NCOR2: variants seen among roughly 807,000 people sequenced by gnomAD.
The protein encoded by NCOR2 is nuclear receptor corepressor 2.
Under a neutral mutation model 262.9 loss-of-function variants are expected in NCOR2, and 81 were observed. The observed-to-expected ratio is 0.31, with a 90% CI of 0.26 to 0.37. The LOEUF is 0.37. Ranked by LOEUF, NCOR2 falls within the 10% of genes least tolerant of loss-of-function variation. The pLI is 1.00. For missense variants in NCOR2, 3,385 were observed against 3,621.4 expected (o/e 0.93, Z 1.68); for synonymous variants, 1,659 against 1,559.3 (o/e 1.06, Z -1.51).
At chr12:124,412,517 G>C (rs535262590) in intron 13 of NCOR2, among the ~76,000 whole-genome samples, 1 of 152,372 alleles carries the variant, frequency 6.6e-6, no homozygotes, top group South Asian at 2.1e-4. Flanking sequence ...GCTGTCAGGC[G>C]CGCTGACAAT....
chr12:124,339,897 A>ACCT, intron 37 of NCOR2, 109 bp downstream of exon 39: 1 of 176,234 alleles, frequency 5.7e-6, no homozygotes, highest in Non-Finnish European at 1.1e-5. Flanking sequence ...ACATCTGCCC[A>ACCT]CCCACCCACC....
At chr12:124,560,726 C>T (rs940796021) in intron 1 of NCOR2, among the ~76,000 whole-genome samples, 4 of 152,214 alleles carry the variant, frequency 2.6e-5, no homozygotes, top group Non-Finnish European at 4.4e-5. Flanking sequence ...GAAGCTGTGA[C>T]TGCCTCGGGG....
intron 8 of NCOR2, among the ~76,000 whole-genome samples, chr12:124,434,221 G>A (rs1382877482): frequency 6.6e-6 from 1 of 152,030 alleles, no homozygotes; most frequent in Non-Finnish European, 1.5e-5. Context: ...GGTCTGAGGG[G>A]GGTCTGACTC....
At chr12:124,515,003 G>C (rs144818501) in intron 1 of NCOR2, among the ~76,000 whole-genome samples, 2 of 151,722 alleles carry the variant, frequency 1.3e-5, no homozygotes, top group Non-Finnish European at 2.9e-5. Context: ...CCTCCACCAC[G>C]CCACTCTGAT....
intron 4 of NCOR2, among the ~76,000 whole-genome samples, chr12:124,472,709 A>G (rs2046891119): frequency 6.6e-6 from 1 of 152,242 alleles, no homozygotes; most frequent in African/African-American, 2.4e-5. Flanking sequence ...TCAGTTCCTC[A>G]GTCGCAGTAG....
At chr12:124,373,297 GGGCCCGGGCAC>G (rs2039663481) in intron 19 of NCOR2, among the ~76,000 whole-genome samples, 1 of 60,296 alleles carries the variant, frequency 1.7e-5, no homozygotes, top group Non-Finnish European at 4.6e-5. Context: ...GCGTGTGCAG[GGGCCCGGGCAC>G]AGTGGACAAT....
chr12:124,461,363 G>A lies in NCOR2; in HGVS notation c.706-4201C>T, dbSNP rs563508663. Among the ~76,000 whole-genome samples the A allele has an allele frequency of 1.3e-3, 200 of 152,318 alleles. 1 individual carries two copies. Among genetic ancestry groups the A allele is most frequent in the African/African-American group, 4.4e-3 (184 of 41,566 alleles). On this transcript the variant is annotated intron_variant, in intron 5 of 46. Transcript: ENST00000405201. ...AATGAGCGGCCCCGCTCACCGTGGCGTCCACCCCCTGTAGGGGCTCTCGCC... is the reference window on the plus strand; with the variant it reads ...AATGAGCGGCCCCGCTCACCGTGGCATCCACCCCCTGTAGGGGCTCTCGCC...
intron 42 of NCOR2, among the ~76,000 whole-genome samples, chr12:124,332,817 A>G (rs1391016931): frequency 6.6e-6 from 1 of 151,834 alleles, no homozygotes; most frequent in Non-Finnish European, 1.5e-5. Context: ...GTCCCACCTC[A>G]CCCATCGCCC....
At chr12:124,506,407 G>A (rs911774692) in intron 1 of NCOR2, among the ~76,000 whole-genome samples, 4 of 152,110 alleles carry the variant, frequency 2.6e-5, no homozygotes, top group African/African-American at 9.7e-5. Context: ...GTTCCTGTCC[G>A]CTGGACGGCA....
chr12:124,466,061 C>T (rs889223958), intron 5 of NCOR2, 112 bp downstream of exon 7: 6 of 1,039,008 alleles, frequency 5.8e-6, no homozygotes, highest in Admixed American at 2.5e-5. Flanking sequence ...GAGAGGGTGG[C>T]GAGGTCCCCT....
intron 3 of NCOR2, among the ~76,000 whole-genome samples, chr12:124,476,330 T>C (rs1484876274): frequency 6.6e-6 from 1 of 152,198 alleles, no homozygotes; most frequent in Non-Finnish European, 1.5e-5. Context: ...CTTGAGGTTC[T>C]TAAGACAAAA....
rs1045206850 is a variant in NCOR2, at chr12:124,426,549, C to T, written c.1328+73G>A. On this transcript the variant is annotated intron_variant, in intron 11 of 46. Transcript: ENST00000405201. ...CGGCATGCTCATTTGTGGTGGCTGC[C>T]GGGAGACAGCGCAGGCCTCAACAGG... The T allele has an allele frequency of 1.6e-4, 227 of 1,396,358 alleles. 1 individual carries two copies. The highest frequency in any genetic ancestry group is 2.0e-4 in the Non-Finnish European group (210 of 1,047,874). 86.5% of individuals were successfully genotyped at this position (1,396,358 alleles called of 1,614,324 possible).
intron 1 of NCOR2, among the ~76,000 whole-genome samples, chr12:124,529,428 C>T (rs1209035545): frequency 6.6e-6 from 1 of 152,116 alleles, no homozygotes; most frequent in African/African-American, 2.4e-5. Context: ...GAGCCAAGAT[C>T]ATGCCATGGC....
At chr12:124,528,557 T>C (rs1180117945) in intron 1 of NCOR2, among the ~76,000 whole-genome samples, 1 of 152,180 alleles carries the variant, frequency 6.6e-6, no homozygotes, top group African/African-American at 2.4e-5. Context: ...AGGAAGACCC[T>C]TGGCAGAACC....
rs2048916196 is a variant in NCOR2, at chr12:124,503,974, A to G, written c.-117-8606T>C. 6.6e-6 allele frequency among the ~76,000 whole-genome samples: 1 copy of G among 152,120 alleles called. No individual in the cohort carries two copies. The highest frequency in any genetic ancestry group is 1.5e-5 in the Non-Finnish European group (1 of 68,014). The stretch of plus-strand genomic sequence containing the variant: ...GCACTGTCGCCTTCAGGAACCCCCA[A>G]ACCCATATAACTGCTCCCCAAGTCC... On this transcript the variant is annotated intron_variant, in intron 1 of 46. Transcript: ENST00000404621. This position sits in a 1 kb window ranked among gnomAD's most constrained non-coding sequence, Gnocchi z 4.3.
chr12:124,503,094 C>A lies in NCOR2; in HGVS notation c.-117-7726G>T, dbSNP rs1015220872. Among the ~76,000 whole-genome samples the A allele has an allele frequency of 2.0e-5, 3 of 152,230 alleles. No individual in the cohort carries two copies. The highest frequency in any genetic ancestry group is 2.9e-5 in the Non-Finnish European group (2 of 68,026). ...ATCCCGGGTGCCACCCACAAGGGTGCGGTCTGCCCTCCAGCTGAGACCAGG... is the reference window on the plus strand; with the variant it reads ...ATCCCGGGTGCCACCCACAAGGGTGAGGTCTGCCCTCCAGCTGAGACCAGG... On this transcript the variant is annotated intron_variant, in intron 1 of 46. Coordinates refer to the NCOR2 transcript ENST00000404621. The surrounding 1 kb of genome is among the most constrained non-coding windows in gnomAD (Gnocchi z 4.3).
At chr12:124,557,443 A>C (rs559000298) in intron 1 of NCOR2, among the ~76,000 whole-genome samples, 42 of 152,276 alleles carry the variant, frequency 2.8e-4, no homozygotes, top group African/African-American at 1.0e-3. Flanking sequence ...CTCTGCCTCC[A>C]TTATCGCACG....
chr12:124,492,676 G>C lies in NCOR2; in HGVS notation c.105+2471C>G, dbSNP rs556429337. Among the ~76,000 whole-genome samples, 6 of 152,300 alleles carry C rather than the reference G, an allele frequency of 3.9e-5. No homozygotes were observed. The East Asian group carries it at 9.7e-4, about 25-fold the overall frequency. On this transcript the variant is annotated intron_variant, in intron 1 of 46. Transcript: ENST00000405201. ...GTGGCTTGATGAGGAGCTCAGGAAGGGGGTAGTATCTTTCGAACTGGGTCT... is the reference window on the plus strand; with the variant it reads ...GTGGCTTGATGAGGAGCTCAGGAAGCGGGTAGTATCTTTCGAACTGGGTCT...
At chr12:124,428,275 G>A (rs1021723402) in intron 10 of NCOR2, among the ~76,000 whole-genome samples, 6 of 152,242 alleles carry the variant, frequency 3.9e-5, no homozygotes, top group Non-Finnish European at 7.3e-5. Context: ...CCCAGCCTTC[G>A]AGGGCCGGGC....
Sources: allele counts gnomAD v4.1 joint callset (sites outside exome capture counted in the v4.1 genomes callset), GRCh38; gene constraint gnomAD v4.1.1; non-coding constraint Gnocchi (gnomAD v3.1); transcripts MANE v1.5; gene names NCBI Gene and HGNC (gene_info 2026-07-23, HGNC 2026-07-21).